RPS6KC1: variants seen among roughly 807,000 people sequenced by gnomAD.
RPS6KC1 encodes the protein ribosomal protein S6 kinase C1, also known as inactive ribosomal protein S6 kinase delta-1.
Under a neutral mutation model 103.8 loss-of-function variants are expected in RPS6KC1, and 54 were observed. The ratio of observed to expected loss-of-function variants is 0.52; its 90% confidence interval spans 0.42 to 0.65. RPS6KC1 has a LOEUF of 0.65. RPS6KC1 is among the 30% of genes least tolerant of loss of function. The pLI is 0.00. For missense variants in RPS6KC1, 1,151 were observed against 1,253.8 expected, an observed-to-expected ratio of 0.92 and a Z score of 1.24; for synonymous variants, 439 against 438.7, an observed-to-expected ratio of 1.00 and a Z score of -0.01.
At chr1:213,732,348 A>AGTGTGTGTGTGTGT in the RPS6KC1 span, among the ~76,000 whole-genome samples, 1 of 79,052 alleles carries the variant, frequency 1.3e-5, no homozygotes, top group Non-Finnish European at 2.4e-5. Flanking sequence ...TGTATGTATG[A>AGTGTGTGTGTGTGT]GTGTGCGTGT....
At chr1:213,721,712 T>G in the RPS6KC1 span, among the ~76,000 whole-genome samples, 1 of 152,218 alleles carries the variant, frequency 6.6e-6, no homozygotes, top group African/African-American at 2.4e-5. Flanking sequence ...CTGCCTGCCT[T>G]CTATCCTACC....
chr1:213,056,728 G>T (rs1185948969), intron 1 of RPS6KC1, among the ~76,000 whole-genome samples: 3 of 152,028 alleles, frequency 2.0e-5, no homozygotes, highest in Non-Finnish European at 4.4e-5. Context: ...TCCAAATTAG[G>T]TTAGAACACT....
intron 3 of RPS6KC1, among the ~76,000 whole-genome samples, chr1:213,091,209 C>G (rs1459428304): frequency 6.6e-6 from 1 of 152,026 alleles, no homozygotes; most frequent in Non-Finnish European, 1.5e-5. Flanking sequence ...AGGTGCCAGC[C>G]ACCACGCCCA....
chr1:213,406,056 G>A, the RPS6KC1 span, among the ~76,000 whole-genome samples: 1 of 152,218 alleles, frequency 6.6e-6, no homozygotes, highest in East Asian at 1.9e-4. Flanking sequence ...TGGGGTTGCA[G>A]CACACTGCCT....
At chr1:213,230,602 A>C in intron 9 of RPS6KC1, 58 bp downstream of exon 9, 1 of 1,325,264 alleles carries the variant, frequency 7.5e-7, no homozygotes, top group African/African-American at 1.5e-5. Context: ...TGGGAGACTG[A>C]GATAGGCAGG....
intron 3 of RPS6KC1, among the ~76,000 whole-genome samples, chr1:213,096,139 C>T (rs1190414292): frequency 6.6e-6 from 1 of 152,196 alleles, no homozygotes; most frequent in African/African-American, 2.4e-5. Flanking sequence ...CCTTTGTTGT[C>T]ATTTCAACAG....
chr1:213,255,624 T>G (rs1242432953), intron 12 of RPS6KC1, among the ~76,000 whole-genome samples: 3 of 152,198 alleles, frequency 2.0e-5, no homozygotes, highest in Non-Finnish European at 4.4e-5. Context: ...ACCTCAGGCT[T>G]CTTTTTGGCA....
chr1:213,105,826 A>G (rs184554960), intron 4 of RPS6KC1, among the ~76,000 whole-genome samples: 6 of 152,278 alleles, frequency 3.9e-5, no homozygotes, highest in South Asian at 2.1e-4. Flanking sequence ...AATTGTTTCT[A>G]TGTGTCAGGG....
chr1:213,243,146 C>T (rs1282402703), intron 12 of RPS6KC1, among the ~76,000 whole-genome samples: 1 of 152,054 alleles, frequency 6.6e-6, no homozygotes, highest in African/African-American at 2.4e-5. Flanking sequence ...CATTTGTGCA[C>T]CACCATGCCT....
chr1:213,240,341 A>G (rs536045276), intron 10 of RPS6KC1, among the ~76,000 whole-genome samples: 7 of 152,290 alleles, frequency 4.6e-5, no homozygotes, highest in South Asian at 2.1e-4. Context: ...AAATTATTAT[A>G]TAAACAGAAC....
At chr1:213,371,549 G>A in the RPS6KC1 span, among the ~76,000 whole-genome samples, 11 of 152,122 alleles carry the variant, frequency 7.2e-5, no homozygotes, top group Non-Finnish European at 1.5e-4. Flanking sequence ...GCCACTTTAC[G>A]TTCCCACCAA....
chr1:213,584,917 T>G, the RPS6KC1 span, among the ~76,000 whole-genome samples: 8 of 152,132 alleles, frequency 5.3e-5, no homozygotes, highest in Non-Finnish European at 8.8e-5. Flanking sequence ...GACTGGTGGG[T>G]TCCAAATCTT....
the RPS6KC1 span, among the ~76,000 whole-genome samples, chr1:213,299,860 A>G: frequency 6.6e-6 from 1 of 152,110 alleles, no homozygotes; most frequent in Non-Finnish European, 1.5e-5. Flanking sequence ...GCTGGAGTGC[A>G]GTGGCGTGAT....
chr1:213,200,493 A>G (rs1244963103), intron 8 of RPS6KC1, among the ~76,000 whole-genome samples: 1 of 152,222 alleles, frequency 6.6e-6, no homozygotes, highest in East Asian at 1.9e-4. Context: ...CTCAAGATGA[A>G]TTAAAGACTA....
chr1:213,529,950 T>C, the RPS6KC1 span, among the ~76,000 whole-genome samples: 1 of 152,148 alleles, frequency 6.6e-6, no homozygotes, highest in African/African-American at 2.4e-5. Flanking sequence ...CTTTTGTACC[T>C]CTTAGAGCTT....
the RPS6KC1 span, among the ~76,000 whole-genome samples, chr1:213,728,955 T>G: frequency 4.9e-5 from 7 of 141,774 alleles, no homozygotes; most frequent in Non-Finnish European, 1.1e-4. Context: ...TTTGTTTTTT[T>G]TTTTTTTTTT....
At chr1:213,688,173 G>T in the RPS6KC1 span, among the ~76,000 whole-genome samples, 1 of 152,142 alleles carries the variant, frequency 6.6e-6, no homozygotes, top group South Asian at 2.1e-4. Flanking sequence ...TGTGGAATGC[G>T]GAGACCTTGG....
the RPS6KC1 span, among the ~76,000 whole-genome samples, chr1:213,450,981 A>G: frequency 2.6e-5 from 4 of 152,182 alleles, no homozygotes; most frequent in Non-Finnish European, 5.9e-5. Context: ...TTCAAAAAAA[A>G]AAGAAAGAAA....
chr1:213,625,212 A>G, the RPS6KC1 span, among the ~76,000 whole-genome samples: 1 of 150,648 alleles, frequency 6.6e-6, no homozygotes, highest in African/African-American at 2.4e-5. Flanking sequence ...GTGTAAAAAA[A>G]GAAAAAGAAA....
Sources: gnomAD v4.1 joint callset for allele counts (sites outside exome capture counted in the v4.1 genomes callset) on GRCh38, gnomAD v4.1.1 for gene constraint, MANE v1.5 for transcripts, NCBI Gene and HGNC (gene_info 2026-07-23, HGNC 2026-07-21) for gene names.